The following BRF1 variants were observed in gnomAD, a reference collection of about 807,000 sequenced individuals.
BRF1 encodes BRF1 general transcription factor IIIB subunit, also known as transcription factor IIIB 90 kDa subunit.
BRF1 carries 59 observed loss-of-function variants against 81.7 expected under a neutral mutation model. The observed-to-expected ratio is 0.72, with a 90% CI of 0.59 to 0.90. BRF1 has a LOEUF of 0.90. Among genes scored for constraint, BRF1 ranks in the 40% least tolerant of loss-of-function variants. BRF1 has a pLI of 0.00. For missense variants in BRF1, 1,050 were observed against 936.3 expected, an observed-to-expected ratio of 1.12 and a Z score of -1.58; for synonymous variants, 491 against 395.6, an observed-to-expected ratio of 1.24 and a Z score of -2.86.
chr14:105,289,485 G>A (rs1183997751), intron 1 of BRF1, among the ~76,000 whole-genome samples: 1 of 152,220 alleles, frequency 6.6e-6, no homozygotes, highest in African/African-American at 2.4e-5. Flanking sequence ...GCAGGACTCA[G>A]GAGAGACCCA....
rs137855678 is a variant in BRF1 at position 105,295,907 on chromosome 14, C to T, written c.184+4539G>A. On this transcript the variant is annotated intron_variant, in intron 1 of 17. Transcript: ENST00000547530. ...CAGCCTCACCAACATGGTGAAACCC[C>T]ATCTCTACTACAAATACAAAAACCA... Among the ~76,000 whole-genome samples, 556 of 151,786 alleles carry T rather than the reference C, an allele frequency of 3.7e-3. 1 individual carries two copies. Among genetic ancestry groups the T allele is most frequent in the African/African-American group, 0.013 (534 of 41,378 alleles).
At chr14:105,305,224 A>C (rs928990024), upstream of BRF1, among the ~76,000 whole-genome samples, 1 of 151,962 alleles carries the variant, frequency 6.6e-6, no homozygotes, top group Non-Finnish European at 1.5e-5. Flanking sequence ...AACATGGCAA[A>C]ACCCTGACTC....
intron 2 of BRF1, among the ~76,000 whole-genome samples, chr14:105,282,175 C>T (rs1219009576): frequency 6.6e-6 from 1 of 152,230 alleles, no homozygotes; most frequent in Non-Finnish European, 1.5e-5. Context: ...GTCTCAACCC[C>T]TTGGCAACCA....
upstream of BRF1, among the ~76,000 whole-genome samples, chr14:105,301,928 G>T (rs1958290928): frequency 6.6e-6 from 1 of 152,166 alleles, no homozygotes; most frequent in Non-Finnish European, 1.5e-5. Flanking sequence ...CGTAAGGTGA[G>T]GAGTTCGAGA....
At chr14:105,217,267 TC>T in intron 15 of BRF1, 2 of 569,858 alleles carry the variant, frequency 3.5e-6, no homozygotes, top group Non-Finnish European at 6.2e-6. Flanking sequence ...CCACGGATTG[TC>T]CCAGCCCCTC....
Position 105,222,906 on chromosome 14 carries a change from G to A in BRF1, c.1049-992C>T, listed in dbSNP as rs373829876. On this transcript the variant is annotated intron_variant, in intron 10 of 17. Transcript: ENST00000547530. The stretch of plus-strand genomic sequence containing the variant: ...GCCTCCCAAAGTGCTGGGATTACAG[G>A]CGTGAGGCTCTGCGCCTGGCTGACA... 6.6e-5 allele frequency among the ~76,000 whole-genome samples: 10 copies of A among 152,338 alleles called. No individual in the cohort carries two copies. The East Asian group carries it at 1.9e-3, about 29-fold the overall frequency.
chr14:105,268,549 A>G (rs2056522625), intron 3 of BRF1, among the ~76,000 whole-genome samples: 1 of 152,254 alleles, frequency 6.6e-6, no homozygotes, highest in Non-Finnish European at 1.5e-5. Context: ...AGGATCGGGC[A>G]ACAATGAAGG....
At chr14:105,249,104 GC>G (rs2055393126) in intron 5 of BRF1, 2 of 1,492,016 alleles carry the variant, frequency 1.3e-6, no homozygotes, top group African/African-American at 1.5e-5. Context: ...GTGCCCCGCG[GC>G]CCCCGCGCCC....
intron 1 of BRF1, among the ~76,000 whole-genome samples, chr14:105,313,144 G>A (rs1171343998): frequency 6.6e-6 from 1 of 152,198 alleles, no homozygotes; most frequent in African/African-American, 2.4e-5. Flanking sequence ...TGTAGTCCCT[G>A]CCTGGGTTAG....
upstream of BRF1, among the ~76,000 whole-genome samples, chr14:105,304,347 G>T (rs1443296133): frequency 2.0e-5 from 3 of 152,148 alleles, no homozygotes. Flanking sequence ...AAATTAGCAG[G>T]TGTGATGGTG....
intron 5 of BRF1, 47 bp downstream of exon 5, chr14:105,252,460 C>T: frequency 6.3e-7 from 1 of 1,596,868 alleles, no homozygotes; most frequent in Admixed American, 1.8e-5. Context: ...CACGCTGGTC[C>T]CTACAGCAGC....
At chr14:105,228,686 G>A in intron 7 of BRF1, 134 bp downstream of exon 7, 1 of 958,460 alleles carries the variant, frequency 1.0e-6, no homozygotes. Flanking sequence ...GACCGGGGCT[G>A]GGCTAGGTCC....
chr14:105,263,080 A>C (rs908361784), intron 3 of BRF1, among the ~76,000 whole-genome samples: 2 of 151,910 alleles, frequency 1.3e-5, no homozygotes, highest in Admixed American at 1.3e-4. Flanking sequence ...CTCTACTAAA[A>C]ATACAAGTTA....
intron 16 of BRF1, 80 bp from the exon 17 acceptor site, chr14:105,211,373 T>C (rs1157136525): frequency 7.6e-7 from 1 of 1,319,602 alleles, no homozygotes; most frequent in East Asian, 2.7e-5. Flanking sequence ...CCACCAGGGC[T>C]GGCCCAGGAT....
At chr14:105,285,780 G>A (rs2057292063) in intron 2 of BRF1, among the ~76,000 whole-genome samples, 2 of 151,720 alleles carry the variant, frequency 1.3e-5, no homozygotes, top group South Asian at 2.1e-4. Context: ...TCACACATCC[G>A]ATAAAAGACT....
Position 105,221,815 on chromosome 14 carries a change from C to T in BRF1, c.1148G>A (p.Arg383Gln), listed in dbSNP as rs1454671489. 6.8e-6 allele frequency: 11 copies of T among 1,611,012 alleles called. No homozygotes were observed. Among genetic ancestry groups the T allele is most frequent in the Middle Eastern group, 1.7e-4 (1 of 6,016 alleles). The change falls in exon 11 of 18, where the codon CGG becomes CAG. Residue 383 changes from arginine to glutamine, a missense_variant. Coordinates refer to ENST00000547530, the MANE Select transcript of BRF1 (RefSeq NM_001519.4). ...AASHLNKDLY[R>Q]ELLGGAPGSS... is the part of the protein sequence containing the mutation. ...GCCGGGGGCACCACCAAGGAGCTCCCGGTATAAGTCTTTGTTCAGGTGGCT... is the reference window on the plus strand; with the variant it reads ...GCCGGGGGCACCACCAAGGAGCTCCTGGTATAAGTCTTTGTTCAGGTGGCT...
chr14:105,228,238 C>G (rs1477542774), intron 7 of BRF1: 2 of 152,478 alleles, frequency 1.3e-5, no homozygotes, highest in African/African-American at 4.8e-5. Context: ...CTTAGGGCAA[C>G]TTTACACATC....
chr14:105,250,774 T>C, intron 5 of BRF1: 1 of 1,232,542 alleles, frequency 8.1e-7, no homozygotes, highest in Non-Finnish European at 1.1e-6. Context: ...ACTTTGTCTC[T>C]CTTTGACATG....
chr14:105,314,799 C>T (rs998963390), intron 1 of BRF1: 1 of 248,686 alleles, frequency 4.0e-6, no homozygotes, highest in African/African-American at 2.3e-5. Flanking sequence ...CGGCCCGTCC[C>T]CTCCGCCGCC....
Sources: allele counts gnomAD v4.1 joint callset (sites outside exome capture counted in the v4.1 genomes callset), GRCh38; gene constraint gnomAD v4.1.1; transcripts MANE v1.5; gene names NCBI Gene and HGNC (gene_info 2026-07-23, HGNC 2026-07-21).